GDAP1L1: variants seen among roughly 807,000 people sequenced by gnomAD.
GDAP1L1 encodes the protein ganglioside-induced differentiation-associated protein 1-like 1.
A neutral mutation model predicts 37.1 loss-of-function variants in GDAP1L1; 21 were observed. The observed-to-expected ratio is 0.57, with a 90% CI of 0.40 to 0.81. The LOEUF (loss-of-function observed/expected upper bound fraction) is 0.81. Ranked by LOEUF, GDAP1L1 falls within the 40% of genes least tolerant of loss-of-function variation. The pLI, the probability that GDAP1L1 is intolerant of heterozygous loss-of-function variation, is 0.00. For missense variants in GDAP1L1, 362 were observed against 491.6 expected, an observed-to-expected ratio of 0.74 and a Z score of 2.49; for synonymous variants, 193 against 209.1, an observed-to-expected ratio of 0.92 and a Z score of 0.67.
intron 3 of GDAP1L1, among the ~76,000 whole-genome samples, chr20:44,262,751 C>G (rs976927831): frequency 6.6e-6 from 1 of 152,058 alleles, no homozygotes; most frequent in Non-Finnish European, 1.5e-5. Context: ...GGGTCTCACT[C>G]TGTTGCCCAG....
rs1382168842 is a variant in GDAP1L1 at position 44,258,546 on chromosome 20, C to A, written c.486C>A (p.Ile162=). The change falls in exon 3 of 6, where the codon ATC becomes ATA. Residue 162 remains isoleucine (I), a synonymous_variant. Transcript: ENST00000342560. ...TGGATGCCTACACGCATGGCTGCAT[C>A]CTGCATCCCGAGCTCACCACCGACT... ...LPMDAYTHGC[I]LHPELTTDSM... is the part of the protein sequence containing the mutation. 6.3e-7 allele frequency: 1 copy of A among 1,590,670 alleles called. No individual in the cohort carries two copies. Among genetic ancestry groups the A allele is most frequent in the Non-Finnish European group, 8.6e-7 (1 of 1,169,362 alleles).
At chr20:44,255,881 C>A (rs1039023206) in intron 1 of GDAP1L1, among the ~76,000 whole-genome samples, 2 of 152,320 alleles carry the variant, frequency 1.3e-5, no homozygotes, top group Admixed American at 1.3e-4. Context: ...GAGTCTCAGT[C>A]CACAGGCAGG....
chr20:44,254,278 C>T (rs2073498300), intron 1 of GDAP1L1, among the ~76,000 whole-genome samples: 1 of 152,174 alleles, frequency 6.6e-6, no homozygotes, highest in African/African-American at 2.4e-5. Context: ...CTTGAATACT[C>T]ACACTTACTC....
At chr20:44,278,169 A>G (rs984708561) in intron 5 of GDAP1L1, among the ~76,000 whole-genome samples, 11 of 151,164 alleles carry the variant, frequency 7.3e-5, no homozygotes, top group Non-Finnish European at 4.4e-5. Flanking sequence ...AAAAAAAAAA[A>G]AAGAAAAAGA....
In GDAP1L1 at chr20:44,280,167, T is replaced by C. The variant is rs1600575637; in HGVS notation, c.*867T>C. 1 of 225,628 alleles carries C rather than the reference T, an allele frequency of 4.4e-6. No individual in the cohort carries two copies. The allele number at this position is 225,628 out of a possible 1,614,324, so 14.0% of individuals were successfully genotyped here. On this transcript the variant is annotated 3_prime_UTR_variant, in exon 6 of 6. Transcript: ENST00000342560. ...TCTGTCCAAGCCATCTCCTTCAATATCCCCCCCTTCCTGTCACTCCCGGGG... is the reference window on the plus strand; with the variant it reads ...TCTGTCCAAGCCATCTCCTTCAATACCCCCCCCTTCCTGTCACTCCCGGGG...
intron 5 of GDAP1L1, 171 bp downstream of exon 5, chr20:44,264,730 G>A: frequency 1.4e-6 from 2 of 1,380,814 alleles, no homozygotes; most frequent in Non-Finnish European, 1.9e-6. Context: ...CCACTTCCTA[G>A]CTTAGTAAAT....
At chr20:44,259,485 A>G (rs1600539879) in intron 3 of GDAP1L1, among the ~76,000 whole-genome samples, 2 of 145,204 alleles carry the variant, frequency 1.4e-5, no homozygotes, top group African/African-American at 5.1e-5. Context: ...ATTGAACAAG[A>G]CTCAGAATTT....
chr20:44,261,173 G>C (rs1384818655), intron 3 of GDAP1L1, among the ~76,000 whole-genome samples: 1 of 152,212 alleles, frequency 6.6e-6, no homozygotes, highest in Admixed American at 6.5e-5. Context: ...GGAGGTCCCA[G>C]AGTGCAGAAG....
At chr20:44,263,122 C>T (rs2073702433) in intron 3 of GDAP1L1, 108 bp from the exon 4 acceptor site, 1 of 825,920 alleles carries the variant, frequency 1.2e-6, no homozygotes, top group African/African-American at 1.7e-5. Flanking sequence ...GACAGTATTA[C>T]TCTTCTGACC....
At chr20:44,275,647 A>T (rs1366630480) in intron 5 of GDAP1L1, among the ~76,000 whole-genome samples, 1 of 152,186 alleles carries the variant, frequency 6.6e-6, no homozygotes, top group Non-Finnish European at 1.5e-5. Flanking sequence ...GACATATTAA[A>T]GCTAAACTCA....
At chr20:44,253,630 T>C (rs772121517) in intron 1 of GDAP1L1, among the ~76,000 whole-genome samples, 4 of 152,188 alleles carry the variant, frequency 2.6e-5, no homozygotes, top group Non-Finnish European at 5.9e-5. Flanking sequence ...TGATGTCTGA[T>C]CACACTAAGT....
chr20:44,254,076 G>A (rs2073494427), intron 1 of GDAP1L1, among the ~76,000 whole-genome samples: 1 of 152,330 alleles, frequency 6.6e-6, no homozygotes, highest in Admixed American at 6.5e-5. Context: ...GACAAGAGAA[G>A]GGGGCTTTCT....
rs754438883 is a variant in GDAP1L1 at position 44,258,474 on chromosome 20, G to A, written c.414G>A (p.Gln138=). ...TGATGCCCGAGGTGGGCAGCCTGCA[G>A]CACGCACGGGTGCTGCAGTACCGGG... ...VALMPEVGSL[Q]HARVLQYREL... is the part of the protein sequence containing the mutation. The change falls in exon 3 of 6, where the codon CAG becomes CAA. Residue 138 remains glutamine (Q), a synonymous_variant. Transcript: ENST00000342560. The A allele has an allele frequency of 5.0e-5, 78 of 1,555,548 alleles. No homozygotes were observed. Among genetic ancestry groups the A allele is most frequent in the Non-Finnish European group, 6.3e-5 (72 of 1,149,966 alleles).
chr20:44,259,246 G>A (rs1461432523), intron 3 of GDAP1L1, among the ~76,000 whole-genome samples: 3 of 152,152 alleles, frequency 2.0e-5, no homozygotes, highest in African/African-American at 7.2e-5. Flanking sequence ...AATGGGTGTT[G>A]GATTAAATCA....
intron 5 of GDAP1L1, among the ~76,000 whole-genome samples, chr20:44,273,258 C>T (rs2062538924): frequency 6.6e-6 from 1 of 152,162 alleles, no homozygotes; most frequent in Non-Finnish European, 1.5e-5. Context: ...TTGGAAGATC[C>T]AGGGAATTAT....
intron 5 of GDAP1L1, among the ~76,000 whole-genome samples, chr20:44,272,064 C>T (rs923672007): frequency 1.3e-5 from 2 of 152,194 alleles, no homozygotes; most frequent in East Asian, 1.9e-4. Flanking sequence ...CCTCCTCTCC[C>T]GCCCCTGCTT....
rs569533091 is a variant in GDAP1L1 at position 44,253,483 on chromosome 20, A to G, written c.181-3670A>G. On this transcript the variant is annotated intron_variant, in intron 1 of 5. Coordinates refer to ENST00000342560, the MANE Select transcript of GDAP1L1 (RefSeq NM_024034.6). ...TACAAAGTCACACCGCAACTAAATG[A>G]CTAGGCAGAGACAACAACCCAGCCC... 8.5e-5 allele frequency among the ~76,000 whole-genome samples: 13 copies of G among 152,372 alleles called. No individual in the cohort carries two copies. The South Asian group carries it at 2.5e-3, about 29-fold the overall frequency.
chr20:44,279,130 C>A lies in GDAP1L1; in HGVS notation c.934C>A (p.Arg312=). 6.2e-7 allele frequency: 1 copy of A among 1,614,160 alleles called. No homozygotes were observed. The highest frequency in any genetic ancestry group is 8.5e-7 in the Non-Finnish European group (1 of 1,180,010). Reference sequence around the variant, plus strand: ...GAGGGTCCAGAGACGCTTTGCCTTCCGGAAAGTCCTGGGTGACATCCACAC... The same window carrying A: ...GAGGGTCCAGAGACGCTTTGCCTTCAGGAAAGTCCTGGGTGACATCCACAC... ...FERVQRRFAF[R]KVLGDIHTTL... is the part of the protein sequence containing the mutation. The change falls in exon 6 of 6, where the codon CGG becomes AGG. Residue 312 remains arginine, a synonymous_variant. Coordinates refer to ENST00000342560, the MANE Select transcript of GDAP1L1 (RefSeq NM_024034.6).
intron 5 of GDAP1L1, among the ~76,000 whole-genome samples, chr20:44,270,164 A>T (rs1034225411): frequency 3.0e-5 from 3 of 100,594 alleles, no homozygotes; most frequent in African/African-American, 4.1e-5. Flanking sequence ...AGTGTCTTAA[A>T]TTTTTTTTTT....
Sources: gnomAD v4.1 joint callset for allele counts (sites outside exome capture counted in the v4.1 genomes callset) on GRCh38, gnomAD v4.1.1 for gene constraint, MANE v1.5 for transcripts, NCBI Gene and HGNC (gene_info 2026-07-23, HGNC 2026-07-21) for gene names.